Variants in LRRC46 observed in about 807,000 individuals in gnomAD.
The protein encoded by LRRC46 is leucine rich repeat containing 46.
A neutral mutation model predicts 28.0 loss-of-function variants in LRRC46; 20 were observed. That is an observed-to-expected ratio of 0.71 (90% CI 0.50 to 1.04). LRRC46 has a LOEUF of 1.04. LRRC46 is among the 50% of genes least tolerant of loss of function. The pLI is 0.00. For synonymous variants in LRRC46, 156 were observed against 158.8 expected, an observed-to-expected ratio of 0.98 and a Z score of 0.13; for missense variants, 315 against 390.1, an observed-to-expected ratio of 0.81 and a Z score of 1.62.
chr17:47,832,175 TC>T lies in LRRC46; in HGVS notation c.89del (p.Pro30LeufsTer33). 1.3e-6 allele frequency: 2 copies of T among 1,599,434 alleles called. No individual in the cohort carries two copies. The highest frequency in any genetic ancestry group is 8.5e-7 in the Non-Finnish European group (1 of 1,171,254). Reference sequence around the variant, plus strand: ...CTTATCACTAAGCGGAACTTGACTTTCCCTGAAGATGGGGAACTGTCAGAGA... The same window carrying T: ...CTTATCACTAAGCGGAACTTGACTTTCCTGAAGATGGGGAACTGTCAGAGA... The part of the protein sequence containing the change: ...EALITKRNLT[F>X]PEDGELSEKM... On this transcript the variant is annotated frameshift_variant, in exon 2 of 8. Transcript: ENST00000269025. LOFTEE classifies it high-confidence loss of function.
intron 2 of LRRC46, among the ~76,000 whole-genome samples, chr17:47,833,327 A>T (rs1272838582): frequency 6.7e-6 from 1 of 149,740 alleles, no homozygotes; most frequent in Non-Finnish European, 1.5e-5. Flanking sequence ...GTTTGGCCTT[A>T]TTCTTTCTTT....
Position 47,837,058 on chromosome 17 carries a change from A to G in LRRC46, c.904A>G (p.Lys302Glu), listed in dbSNP as rs775246771. ...GGGGGCACGAGCAGCCACAGCCCCC[A>G]AGGCCTCTGTGGCTGAGGCCCCCAG... ...RKGARAATAP[K>E]ASVAEAPSTT... Residue 302 changes from lysine (K) to glutamate (E), a missense_variant, in exon 8 of 8, where the codon AAG (lysine) becomes GAG (glutamate). Coordinates refer to ENST00000269025, the MANE Select transcript of LRRC46 (RefSeq NM_033413.4). The G allele has an allele frequency of 6.2e-7, 1 of 1,608,000 alleles. No homozygotes were observed. Among genetic ancestry groups the G allele is most frequent in the Admixed American group, 1.7e-5 (1 of 57,144 alleles).
At chr17:47,833,818 A>C in intron 2 of LRRC46, 1 of 362,854 alleles carries the variant, frequency 2.8e-6, no homozygotes, top group East Asian at 1.7e-4. Context: ...TGGCATAATC[A>C]TGGCACACTG....
chr17:47,837,237 T>G lies in LRRC46; in HGVS notation c.*117T>G. The G allele has an allele frequency of 7.2e-7, 1 of 1,379,476 alleles. No homozygotes were observed. The highest frequency in any genetic ancestry group is 9.8e-7 in the Non-Finnish European group (1 of 1,024,944). 85.5% of individuals were successfully genotyped at this position (1,379,476 alleles called of 1,614,324 possible). A position where few individuals can be genotyped will look rare whatever the true frequency, so the allele number is the denominator to read the frequency against. ...AAGTGTCTCTAGGCCCTGAGTATGCTTTTCATGTCACTTGGGGTATCTCAG... is the reference window on the plus strand; with the variant it reads ...AAGTGTCTCTAGGCCCTGAGTATGCGTTTCATGTCACTTGGGGTATCTCAG... On this transcript the variant is annotated 3_prime_UTR_variant, in exon 8 of 8. Transcript: ENST00000269025.
In LRRC46 at chr17:47,831,745, C is replaced by A; in HGVS notation, c.-245C>A. 1 of 638,880 alleles carries A rather than the reference C, an allele frequency of 1.6e-6. No individual in the cohort carries two copies. The highest frequency in any genetic ancestry group is 2.0e-5 in the South Asian group (1 of 50,744). The allele number at this position is 638,880 out of a possible 1,614,324, so 39.6% of individuals were successfully genotyped here. A position where few individuals can be genotyped will look rare whatever the true frequency, so the allele number is the denominator to read the frequency against. On this transcript the variant is annotated 5_prime_UTR_variant, in exon 1 of 8. Coordinates refer to ENST00000269025, the MANE Select transcript of LRRC46 (RefSeq NM_033413.4). ...CTTTCTCAACCATTCCTGCCCACAA[C>A]ACCCCAGCTTGCTGCCAGCAAAGCC...
rs529984930 is a variant in LRRC46 at position 47,836,193 on chromosome 17, T to C, written c.452+91T>C. The C allele has an allele frequency of 3.2e-6, 5 of 1,573,426 alleles. No homozygotes were observed. The South Asian group carries it at 4.4e-5, about 14-fold the overall frequency. ...CTCTCAGCCTGCAAACCTGGGGTCC[T>C]GTCCATGACACCTTCTCCCCCACCT... On this transcript the variant is annotated intron_variant, in intron 6 of 7. Coordinates refer to ENST00000269025, the MANE Select transcript of LRRC46 (RefSeq NM_033413.4). This position sits in a 1 kb window ranked among gnomAD's most constrained non-coding sequence, Gnocchi z 5.8.
chr17:47,834,561 C>T, intron 3 of LRRC46, 28 bp downstream of exon 3: 1 of 1,477,826 alleles, frequency 6.8e-7, no homozygotes, highest in Non-Finnish European at 9.5e-7. Flanking sequence ...CCTTCCCCTC[C>T]CCTTGACCCC....
rs2033714664 is a variant in LRRC46 at position 47,837,540 on chromosome 17, G to A, written c.*420G>A. The A allele has an allele frequency of 2.3e-6, 1 of 438,318 alleles. No homozygotes were observed. Among genetic ancestry groups the A allele is most frequent in the Non-Finnish European group, 4.0e-6 (1 of 248,222 alleles). 27.2% of individuals were successfully genotyped at this position (438,318 alleles called of 1,614,324 possible). On this transcript the variant is annotated 3_prime_UTR_variant, in exon 8 of 8. Coordinates refer to ENST00000269025, the MANE Select transcript of LRRC46 (RefSeq NM_033413.4). The stretch of plus-strand genomic sequence containing the variant: ...TCATCCCCAACAGCAGCCAGCTCCT[G>A]TCCCCTCCCTGTCCTCCTGCCCAGT...
At position 47,836,962 on chromosome 17, in the gene LRRC46, G is replaced by A. The variant is rs759264218; in HGVS notation, c.808G>A (p.Ala270Thr). 6.2e-7 allele frequency: 1 copy of A among 1,613,720 alleles called. No homozygotes were observed. The highest frequency in any genetic ancestry group is 1.1e-5 in the South Asian group (1 of 91,056). Residue 270 changes from alanine (A) to threonine (T), a missense_variant, in exon 8 of 8, where the codon GCC (alanine) becomes ACC (threonine). Transcript: ENST00000269025. This position sits in a 1 kb window ranked among gnomAD's most constrained non-coding sequence, Gnocchi z 5.8. ...CCCTGAGGCCGTCTCCTCACCCCAG[G>A]CCTCCTCTCCCACCAAGAAACCATG... ...TVPEAVSSPQ[A>T]SSPTKKPCSL...
At chr17:47,835,557 C>G (rs2143610933) in intron 4 of LRRC46, 109 bp from the exon 5 acceptor site, 1 of 1,359,246 alleles carries the variant, frequency 7.4e-7, no homozygotes, top group Middle Eastern at 1.8e-4. Flanking sequence ...TGTGTCCCCA[C>G]TGGTCATCAG....
In LRRC46 at chr17:47,831,937, C is replaced by T; in HGVS notation, c.-53C>T. On this transcript the variant is annotated 5_prime_UTR_variant, in exon 1 of 8. Coordinates refer to ENST00000269025, the MANE Select transcript of LRRC46 (RefSeq NM_033413.4). ...CTGCCATCCTTAGGGGCCGCCAAGA[C>T]CTCTCTTTTCGTTCCTCTCCCGCCT... 5 of 1,612,158 alleles carry T rather than the reference C, an allele frequency of 3.1e-6. No individual in the cohort carries two copies. Among genetic ancestry groups the T allele is most frequent in the Non-Finnish European group, 4.2e-6 (5 of 1,179,770 alleles).
In LRRC46 at chr17:47,836,563, CGGGGA is replaced by C; in HGVS notation, c.595+95_595+99del. The C allele has an allele frequency of 6.5e-7, 1 of 1,548,462 alleles. No individual in the cohort carries two copies. Among genetic ancestry groups the C allele is most frequent in the African/African-American group, 1.4e-5 (1 of 73,058 alleles). The stretch of plus-strand genomic sequence containing the variant: ...GGGAAGCTAAGGTGGCAGTGGCGTC[CGGGGA>C]GGGGAGCCCCAAGTTCAGATCAACA... On this transcript the variant is annotated intron_variant, in intron 7 of 7. Transcript: ENST00000269025. This position sits in a 1 kb window ranked among gnomAD's most constrained non-coding sequence, Gnocchi z 5.8.
rs967685197 is a variant in LRRC46 at position 47,834,088 on chromosome 17, C to T, written c.117-337C>T. On this transcript the variant is annotated intron_variant, in intron 2 of 7. Transcript: ENST00000269025. ...TCTGCAGTGTCTCATCTCTGTCCCA[C>T]CCCTGCCTCCACCATCCAAGCTGGC... The T allele has an allele frequency of 5.8e-6, 6 of 1,027,132 alleles. No homozygotes were observed. In the African/African-American group the frequency reaches 1.0e-4, roughly 18 times the overall value. The allele number at this position is 1,027,132 out of a possible 1,614,324, so 63.6% of individuals were successfully genotyped here. A position where few individuals can be genotyped will look rare whatever the true frequency, so the allele number is the denominator to read the frequency against.
In LRRC46 at chr17:47,831,951, C is replaced by A; in HGVS notation, c.-39C>A. ...GGCCGCCAAGACCTCTCTTTTCGTT[C>A]CTCTCCCGCCTCAGACCAGCAGCCT... On this transcript the variant is annotated 5_prime_UTR_variant, in exon 1 of 8. Transcript: ENST00000269025. The A allele has an allele frequency of 6.2e-7, 1 of 1,612,608 alleles. No homozygotes were observed. Among genetic ancestry groups the A allele is most frequent in the South Asian group, 1.1e-5 (1 of 90,992 alleles).
intron 3 of LRRC46, chr17:47,834,905 G>A: frequency 4.5e-6 from 1 of 224,658 alleles, no homozygotes; most frequent in Non-Finnish European, 8.8e-6. Flanking sequence ...GTTTGGTGGT[G>A]GTGGTGGTGG....
Position 47,836,228 on chromosome 17 carries a change from C to G in LRRC46, c.453-105C>G. The G allele has an allele frequency of 6.3e-7, 1 of 1,580,934 alleles. No homozygotes were observed. Among genetic ancestry groups the G allele is most frequent in the Non-Finnish European group, 8.7e-7 (1 of 1,154,692 alleles). ...ACCTTCTCCCCCACCTCCTACCTAGCTCATGAGCCACCACCCCTCCGGGTG... is the reference window on the plus strand; with the variant it reads ...ACCTTCTCCCCCACCTCCTACCTAGGTCATGAGCCACCACCCCTCCGGGTG... On this transcript the variant is annotated intron_variant, in intron 6 of 7. Transcript: ENST00000269025. This position sits in a 1 kb window ranked among gnomAD's most constrained non-coding sequence, Gnocchi z 5.8.
In LRRC46 at chr17:47,835,723, A is replaced by G; in HGVS notation, c.330A>G (p.Pro110=). 6.2e-7 allele frequency: 1 copy of G among 1,614,128 alleles called. No individual in the cohort carries two copies. Among genetic ancestry groups the G allele is most frequent in the Non-Finnish European group, 8.5e-7 (1 of 1,180,024 alleles). Residue 110 remains proline, a synonymous_variant, in exon 5 of 8, where the codon CCA becomes CCG. Transcript: ENST00000269025. The part of the protein sequence containing the change: ...IRQVENLLDL[P]CLQFLDLSEN... Reference sequence around the variant, plus strand: ...AGGTGGAAAACCTCCTCGACCTCCCATGCCTCCAGTTTCTGGACCTTTCTG... The same window carrying G: ...AGGTGGAAAACCTCCTCGACCTCCCGTGCCTCCAGTTTCTGGACCTTTCTG...
Position 47,831,828 on chromosome 17 carries a change from C to T in LRRC46, c.-162C>T, listed in dbSNP as rs2033637092. The T allele has an allele frequency of 1.1e-6, 1 of 886,392 alleles. No homozygotes were observed. The highest frequency in any genetic ancestry group is 1.8e-6 in the Non-Finnish European group (1 of 568,772). 54.9% of individuals were successfully genotyped at this position (886,392 alleles called of 1,614,324 possible). A position where few individuals can be genotyped will look rare whatever the true frequency, so the allele number is the denominator to read the frequency against. On this transcript the variant is annotated 5_prime_UTR_variant, in exon 1 of 8. Coordinates refer to ENST00000269025, the MANE Select transcript of LRRC46 (RefSeq NM_033413.4). The stretch of plus-strand genomic sequence containing the variant: ...ATCAATTTACTGTTTTCTTCGACCT[C>T]ACCCCAGCAATTTTCTCTGAATCAA...
Position 47,836,178 on chromosome 17 carries a change from G to C in LRRC46, c.452+76G>C. The C allele has an allele frequency of 6.3e-7, 1 of 1,586,732 alleles. No individual in the cohort carries two copies. The highest frequency in any genetic ancestry group is 8.7e-7 in the Non-Finnish European group (1 of 1,155,976). ...ACTCAGCCCAGACCCCTCTCAGCCTGCAAACCTGGGGTCCTGTCCATGACA... is the reference window on the plus strand; with the variant it reads ...ACTCAGCCCAGACCCCTCTCAGCCTCCAAACCTGGGGTCCTGTCCATGACA... On this transcript the variant is annotated intron_variant, in intron 6 of 7. Transcript: ENST00000269025. This position sits in a 1 kb window ranked among gnomAD's most constrained non-coding sequence, Gnocchi z 5.8.
Sources: gnomAD v4.1 joint callset for allele counts (sites outside exome capture counted in the v4.1 genomes callset) on GRCh38, gnomAD v4.1.1 for gene constraint, Gnocchi (gnomAD v3.1) non-coding constraint, MANE v1.5 for transcripts, NCBI Gene and HGNC (gene_info 2026-07-23, HGNC 2026-07-21) for gene names.